The following ZIC5 variants were observed in gnomAD, a reference collection of about 807,000 sequenced individuals.
The protein encoded by ZIC5 is Zic family zinc finger 5, also known as zinc finger protein ZIC 5.
In ZIC5, 20 loss-of-function variants were observed where a neutral mutation model predicts 28.5. The ratio of observed to expected loss-of-function variants is 0.70; its 90% CI spans 0.49 to 1.02. ZIC5 has a LOEUF of 1.02. Among genes scored for constraint, ZIC5 ranks in the 50% least tolerant of loss-of-function variants. The pLI, the probability that ZIC5 is intolerant of heterozygous loss-of-function variation, is 0.00. For synonymous variants in ZIC5, 488 were observed against 410.4 expected, an observed-to-expected ratio of 1.19 and a Z score of -2.29; for missense variants, 951 against 899.7, an observed-to-expected ratio of 1.06 and a Z score of -0.73.
chr13:99,970,082 G>A (rs2053136027), intron 1 of ZIC5, 45 bp downstream of exon 1: 11 of 1,604,264 alleles, frequency 6.9e-6, no homozygotes, highest in Non-Finnish European at 8.5e-6. Context: ...GGCGGCGCAG[G>A]AGCTGGTGGC....
At position 99,971,319 on chromosome 13, in the gene ZIC5, T is replaced by TGCC; in HGVS notation, c.282_284dup (p.Ala98dup). ...CCAAGGCTGCAGCACGGGCGGCGGC[T>TGCC]GCCGGAGCCTCCGGGTGTGCCGGGA... is the stretch of plus-strand genomic sequence containing the variant. On this transcript the variant is annotated inframe_insertion, in exon 1 of 2. Transcript: ENST00000267294. 5.1e-6 allele frequency: 7 copies of TGCC among 1,373,528 alleles called. No homozygotes were observed. The highest frequency in any genetic ancestry group is 6.5e-6 in the Non-Finnish European group (7 of 1,074,342). The allele number at this position is 1,373,528 out of a possible 1,614,324, so 85.1% of individuals were successfully genotyped here. A position where few individuals can be genotyped will look rare whatever the true frequency, so the allele number is the denominator to read the frequency against.
chr13:99,966,363 A>G (rs1298324629), intron 1 of ZIC5, among the ~76,000 whole-genome samples: 2 of 152,212 alleles, frequency 1.3e-5, no homozygotes, highest in East Asian at 3.8e-4. Flanking sequence ...CCAGGATTTC[A>G]TTGAAGGAGA....
rs2053136732 is a variant in ZIC5 at position 99,970,134 on chromosome 13, A to G, written c.1470T>C (p.Thr490=). Residue 490 remains threonine (T), a synonymous_variant, in exon 1 of 2, where the codon ACT becomes ACC. Coordinates refer to ENST00000267294, the MANE Select transcript of ZIC5 (RefSeq NM_033132.5). The stretch of plus-strand genomic sequence containing the variant: ...CCGGGGACAGACACCCACCTGTATG[A>G]GTACGCTTGTGGATCTTGAGGTTCT... ...RSENLKIHKR[T]HTGEKPFKCE... is the part of the protein sequence containing the mutation. The G allele has an allele frequency of 3.1e-6, 5 of 1,597,438 alleles. No individual in the cohort carries two copies. The highest frequency in any genetic ancestry group is 4.6e-5 in the East Asian group (2 of 43,846).
In ZIC5 at chr13:99,970,690, G is replaced by A; in HGVS notation, c.914C>T (p.Ala305Val). The A allele has an allele frequency of 2.5e-6, 3 of 1,196,192 alleles. No individual in the cohort carries two copies. Among genetic ancestry groups the A allele is most frequent in the Non-Finnish European group, 3.1e-6 (3 of 956,626 alleles). The allele number at this position is 1,196,192 out of a possible 1,614,324, so 74.1% of individuals were successfully genotyped here. A position where few individuals can be genotyped will look rare whatever the true frequency, so the allele number is the denominator to read the frequency against. Residue 305 changes from alanine to valine, a missense_variant, in exon 1 of 2, where the codon GCC (alanine) becomes GTC (valine). By Grantham distance (64) the Ala-to-Val change is moderately conservative (BLOSUM62 0). This residue lies in a region of ZIC5 where 784 missense variants were observed against 660.1 expected (regional missense o/e 1.19). Coordinates refer to ENST00000267294, the MANE Select transcript of ZIC5 (RefSeq NM_033132.5). ...AAAAALHGYG[A>V]VNLNLNLAAA... ...CGCCAGGTTCAGGTTTAAGTTCACGGCTCCGTAGCCGTGCAGGGCGGCCGC... is the reference window on the plus strand; with the variant it reads ...CGCCAGGTTCAGGTTTAAGTTCACGACTCCGTAGCCGTGCAGGGCGGCCGC...
Position 99,964,386 on chromosome 13 carries a change from C to T in ZIC5, c.*991G>A, listed in dbSNP as rs1267448041. 6.6e-6 allele frequency: 1 copy of T among 152,130 alleles called. No individual in the cohort carries two copies. Among genetic ancestry groups the T allele is most frequent in the African/African-American group, 2.4e-5 (1 of 41,420 alleles). 9.4% of individuals were successfully genotyped at this position (152,130 alleles called of 1,614,324 possible). A position where few individuals can be genotyped will look rare whatever the true frequency, so the allele number is the denominator to read the frequency against. ...ATCATCACACCTCCTCAAGACTTGA[C>T]TGTGAATGTTGGCATCCCAAAGAAC... On this transcript the variant is annotated 3_prime_UTR_variant, in exon 2 of 2. Transcript: ENST00000267294.
intron 1 of ZIC5, among the ~76,000 whole-genome samples, chr13:99,966,144 C>T (rs2053098296): frequency 6.6e-6 from 1 of 152,138 alleles, no homozygotes; most frequent in Non-Finnish European, 1.5e-5. Flanking sequence ...ACCCCCTCCC[C>T]CGACAGACAC....
intron 1 of ZIC5, among the ~76,000 whole-genome samples, chr13:99,967,208 G>A (rs7991547): frequency 0.82 from 125,240 of 152,250 alleles, 51,601 homozygotes; most frequent in Middle Eastern, 0.92. Flanking sequence ...TTTCGCCAAC[G>A]ATAACTGCTT....
rs1049770177 is a variant in ZIC5, at chr13:99,964,490, A to T, written c.*887T>A. Reference sequence around the variant, plus strand: ...GAGGCAGTATCTGAGAATTCAGATAAAAAAAAAAAAACATATAGGAAAAAG... The same window carrying T: ...GAGGCAGTATCTGAGAATTCAGATATAAAAAAAAAAACATATAGGAAAAAG... On this transcript the variant is annotated 3_prime_UTR_variant, in exon 2 of 2. Coordinates refer to ENST00000267294, the MANE Select transcript of ZIC5 (RefSeq NM_033132.5). 9 of 15,158 alleles carry T rather than the reference A, an allele frequency of 5.9e-4. No homozygotes were observed. The African/African-American group carries it at 0.019, about 32-fold the overall frequency. 0.9% of individuals were successfully genotyped at this position (15,158 alleles called of 1,614,324 possible). A position where few individuals can be genotyped will look rare whatever the true frequency, so the allele number is the denominator to read the frequency against.
chr13:99,967,961 G>A (rs971072204), intron 1 of ZIC5, among the ~76,000 whole-genome samples: 2 of 152,232 alleles, frequency 1.3e-5, no homozygotes, highest in Non-Finnish European at 2.9e-5. Flanking sequence ...AGAGCCTGGA[G>A]CCTGTGGGAA....
Position 99,970,871 on chromosome 13 carries a change from C to A in ZIC5, c.733G>T (p.Ala245Ser), listed in dbSNP as rs1237074885. 5 of 1,271,470 alleles carry A rather than the reference C, an allele frequency of 3.9e-6. No individual in the cohort carries two copies. The highest frequency in any genetic ancestry group is 1.6e-5 in the African/African-American group (1 of 63,298). 78.8% of individuals were successfully genotyped at this position (1,271,470 alleles called of 1,614,324 possible). The change falls in exon 1 of 2, where the codon GCC becomes TCC. Residue 245 changes from alanine to serine, a missense_variant. Ala to Ser is a moderately conservative substitution (Grantham distance 99). Coordinates refer to ENST00000267294, the MANE Select transcript of ZIC5 (RefSeq NM_033132.5). The part of the protein sequence containing the change: ...LFPALHDTPG[A>S]PGGHPHPLNG... Reference sequence around the variant, plus strand: ...AGCGGGTGCGGGTGGCCGCCTGGGGCCCCCGGCGTGTCGTGCAGCGCGGGG... The same window carrying A: ...AGCGGGTGCGGGTGGCCGCCTGGGGACCCCGGCGTGTCGTGCAGCGCGGGG...
In ZIC5 at chr13:99,970,544, G is replaced by T; in HGVS notation, c.1060C>A (p.Pro354Thr). The T allele has an allele frequency of 9.1e-7, 1 of 1,094,032 alleles. No individual in the cohort carries two copies. Among genetic ancestry groups the T allele is most frequent in the East Asian group, 7.5e-5 (1 of 13,414 alleles). The allele number at this position is 1,094,032 out of a possible 1,614,324, so 67.8% of individuals were successfully genotyped here. ...QHPHQHHPHLPGAAGAFLRYM... is the reference protein window; with the variant it reads ...QHPHQHHPHLTGAAGAFLRYM... ...CGCAGGAAGGCCCCAGCCGCCCCTG[G>T]GAGGTGGGGGTGGTGCTGGTGCGGG... The change falls in exon 1 of 2, where the codon CCA (proline) becomes ACA (threonine). Residue 354 changes from proline (P) to threonine (T), a missense_variant. Physicochemically the swap from Pro to Thr is conservative, Grantham distance 38. Coordinates refer to ENST00000267294, the MANE Select transcript of ZIC5 (RefSeq NM_033132.5).
At chr13:99,970,032 G>A in intron 1 of ZIC5, 95 bp downstream of exon 1, 1 of 1,567,614 alleles carries the variant, frequency 6.4e-7, no homozygotes, top group Non-Finnish European at 8.6e-7. Context: ...AAAAAATTAA[G>A]GCGAGCAGGA....
In ZIC5 at chr13:99,963,472, C is replaced by T. The variant is rs533177655; in HGVS notation, c.*1905G>A. The T allele has an allele frequency of 3.3e-5, 5 of 152,574 alleles. No homozygotes were observed. In the South Asian group the frequency reaches 8.3e-4, roughly 25 times the overall value. 9.5% of individuals were successfully genotyped at this position (152,574 alleles called of 1,614,324 possible). A position where few individuals can be genotyped will look rare whatever the true frequency, so the allele number is the denominator to read the frequency against. On this transcript the variant is annotated 3_prime_UTR_variant, in exon 2 of 2. Transcript: ENST00000267294. ...GGGTCTGCATGTTTCATATTCATCA[C>T]AACAATCTGAAGACAACATTGAAAG...
Position 99,965,703 on chromosome 13 carries a change from G to A in ZIC5, c.1594C>T (p.Arg532Ter). The A allele has an allele frequency of 1.2e-6, 2 of 1,614,160 alleles. No individual in the cohort carries two copies. The highest frequency in any genetic ancestry group is 1.1e-5 in the South Asian group (1 of 91,086). Reference sequence around the variant, plus strand: ...TGAGTGTAGGATTTGTCACAGCCTCGAATCTTGCAGTAGTAGGGCTTGTCA... The same window carrying A: ...TGAGTGTAGGATTTGTCACAGCCTCAAATCTTGCAGTAGTAGGGCTTGTCA... ...TSDKPYYCKI[R>*]GCDKSYTHPS... The change falls in exon 2 of 2, where the codon CGA (arginine) becomes TGA (stop). Residue 532 changes from arginine to a stop codon, truncating the protein, a stop_gained. Transcript: ENST00000267294. LOFTEE classifies it high-confidence loss of function.
In ZIC5 at chr13:99,963,354, G is replaced by A. The variant is rs562802376; in HGVS notation, c.*2023C>T. 7.2e-5 allele frequency: 11 copies of A among 152,606 alleles called. No homozygotes were observed. The highest frequency in any genetic ancestry group is 2.4e-4 in the African/African-American group (10 of 41,538). The allele number at this position is 152,606 out of a possible 1,614,324, so 9.5% of individuals were successfully genotyped here. The stretch of plus-strand genomic sequence containing the variant: ...GTTCATACCTTTTCTATTTGAAAGG[G>A]CTTTGAAAGTGAATAATATGAAAAT... On this transcript the variant is annotated 3_prime_UTR_variant, in exon 2 of 2. Coordinates refer to ENST00000267294, the MANE Select transcript of ZIC5 (RefSeq NM_033132.5).
rs745913274 is a variant in ZIC5, at chr13:99,970,388, G to A, written c.1216C>T (p.Pro406Ser). The A allele has an allele frequency of 3.6e-6, 5 of 1,370,582 alleles. No individual in the cohort carries two copies. The highest frequency in any genetic ancestry group is 2.2e-5 in the Admixed American group (1 of 44,810). 84.9% of individuals were successfully genotyped at this position (1,370,582 alleles called of 1,614,324 possible). The change falls in exon 1 of 2, where the codon CCC becomes TCC. Residue 406 changes from proline to serine, a missense_variant. By Grantham distance (74) the Pro-to-Ser change is moderately conservative (BLOSUM62 -1). This residue lies in a region of ZIC5 where 784 missense variants were observed against 660.1 expected (regional missense o/e 1.19). Coordinates refer to ENST00000267294, the MANE Select transcript of ZIC5 (RefSeq NM_033132.5). The part of the protein sequence containing the change: ...PPPPPAGGAK[P>S]CSKTFGTMHE... ...ATGGTGCCGAAAGTTTTGGAGCAGGGCTTGGCGCCGCCGGCCGGGGGCGGT... is the reference window on the plus strand; with the variant it reads ...ATGGTGCCGAAAGTTTTGGAGCAGGACTTGGCGCCGCCGGCCGGGGGCGGT...
chr13:99,965,935 G>A, intron 1 of ZIC5, 116 bp from the exon 2 acceptor site: 1 of 1,056,648 alleles, frequency 9.5e-7, no homozygotes, highest in South Asian at 1.6e-5. Context: ...CCAACTCCCA[G>A]CCTAATTCTT....
Position 99,970,628 on chromosome 13 carries a change from G to GGGGCCC in ZIC5, c.970_975dup (p.Gly324_Pro325dup), listed in dbSNP as rs1258373810. ...GGGGGCGGCGCGTGGTGCTGCAGGT[G>GGGGCCC]GGGCCCGGGCCCGGCCGCTGCTGCG... On this transcript the variant is annotated inframe_insertion, in exon 1 of 2. Coordinates refer to ENST00000267294, the MANE Select transcript of ZIC5 (RefSeq NM_033132.5). 5 of 1,074,004 alleles carry GGGGCCC rather than the reference G, an allele frequency of 4.7e-6. No homozygotes were observed. Among genetic ancestry groups the GGGGCCC allele is most frequent in the African/African-American group, 1.7e-5 (1 of 58,100 alleles). 66.5% of individuals were successfully genotyped at this position (1,074,004 alleles called of 1,614,324 possible). A position where few individuals can be genotyped will look rare whatever the true frequency, so the allele number is the denominator to read the frequency against.
rs1381823602 is a variant in ZIC5, at chr13:99,970,155, G to A, written c.1449C>T (p.Asn483=). The part of the protein sequence containing the change: ...GCGKVFARSE[N]LKIHKRTHTG... ...TATGAGTACGCTTGTGGATCTTGAG[G>A]TTCTCGGAGCGCGCGAAGACCTTGC... The change falls in exon 1 of 2, where the codon AAC becomes AAT. Residue 483 remains asparagine, a synonymous_variant. Coordinates refer to ENST00000267294, the MANE Select transcript of ZIC5 (RefSeq NM_033132.5). The A allele has an allele frequency of 1.9e-6, 3 of 1,610,868 alleles. No individual in the cohort carries two copies. Among genetic ancestry groups the A allele is most frequent in the Non-Finnish European group, 2.5e-6 (3 of 1,178,884 alleles).
Sources: allele counts gnomAD v4.1 joint callset (sites outside exome capture counted in the v4.1 genomes callset), GRCh38; gene constraint gnomAD v4.1.1; regional missense constraint gnomAD v4.1.1; transcripts MANE v1.5; gene names NCBI Gene and HGNC (gene_info 2026-07-23, HGNC 2026-07-21).